Variants in RORA observed in about 807,000 individuals in gnomAD.
RORA encodes RAR related orphan receptor A.
Under a neutral mutation model 69.5 loss-of-function variants are expected in RORA, and 7 were observed. The observed-to-expected ratio is 0.10, with a 90% confidence interval of 0.06 to 0.19. The LOEUF (loss-of-function observed/expected upper bound fraction) is 0.19. RORA is among the 10% of genes least tolerant of loss of function. RORA has a pLI of 1.00. For missense variants in RORA, 457 were observed against 663.0 expected, an observed-to-expected ratio of 0.69 and a Z score of 3.41; for synonymous variants, 261 against 240.8, an observed-to-expected ratio of 1.08 and a Z score of -0.78.
intron 2 of RORA, among the ~76,000 whole-genome samples, chr15:60,610,218 A>ACACACACG (rs957358921): frequency 6.6e-6 from 1 of 151,620 alleles, no homozygotes; most frequent in African/African-American, 2.4e-5. Context: ...ACACACACAC[A>ACACACACG]CACACTACAC....
At chr15:60,654,013 C>T (rs2070185500) in intron 2 of RORA, among the ~76,000 whole-genome samples, 1 of 152,176 alleles carries the variant, frequency 6.6e-6, no homozygotes, top group South Asian at 2.1e-4. Flanking sequence ...CAACACTTTA[C>T]ATGAAGAAGC....
At chr15:60,809,511 G>C (rs1358890478) in intron 1 of RORA, among the ~76,000 whole-genome samples, 1 of 152,068 alleles carries the variant, frequency 6.6e-6, no homozygotes, top group Non-Finnish European at 1.5e-5. Context: ...TCCATATCTC[G>C]AAATAACAGG....
intron 2 of RORA, chr15:60,600,931 T>C (rs931907635): frequency 1.3e-4 from 20 of 152,212 alleles, no homozygotes; most frequent in African/African-American, 4.3e-4. Context: ...ATTTCATTTA[T>C]GGAAAAACAT....
intron 1 of RORA, among the ~76,000 whole-genome samples, chr15:60,834,838 C>T (rs1389310542): frequency 6.6e-6 from 1 of 152,156 alleles, no homozygotes; most frequent in African/African-American, 2.4e-5. Flanking sequence ...CTTGCTTGTT[C>T]CCCTTTTCCC....
rs7162479 is a variant in RORA, at chr15:60,905,765, C to T, written c.167-227079G>A. Among the ~76,000 whole-genome samples, 30 of 152,126 alleles carry T rather than the reference C, an allele frequency of 2.0e-4. No individual in the cohort carries two copies. The highest frequency in any genetic ancestry group is 6.3e-4 in the African/African-American group (26 of 41,430). On this transcript the variant is annotated intron_variant, in intron 1 of 10. Coordinates refer to ENST00000335670, the MANE Select transcript of RORA (RefSeq NM_134261.3). This position sits in a 1 kb window ranked among gnomAD's most constrained non-coding sequence, Gnocchi z 4.8. ...TCACCTGTGCTGAGCAGGTTAGAGCCGGCCTGGTTCTTGGGGCACCCCCTA... is the reference window on the plus strand; with the variant it reads ...TCACCTGTGCTGAGCAGGTTAGAGCTGGCCTGGTTCTTGGGGCACCCCCTA...
At chr15:60,777,354 C>T (rs115011256) in intron 1 of RORA, among the ~76,000 whole-genome samples, 7 of 152,296 alleles carry the variant, frequency 4.6e-5, no homozygotes, top group African/African-American at 1.4e-4. Flanking sequence ...CTAGATATCA[C>T]GAGACCCTGG....
intron 1 of RORA, chr15:60,706,374 C>T (rs112125753): frequency 3.9e-5 from 6 of 152,050 alleles, no homozygotes; most frequent in South Asian, 4.2e-4. Flanking sequence ...TGTCCTTTTA[C>T]GTTTGGTTGC....
chr15:60,910,140 C>T (rs1297118248), intron 1 of RORA, among the ~76,000 whole-genome samples: 1 of 152,196 alleles, frequency 6.6e-6, no homozygotes, highest in African/African-American at 2.4e-5. Flanking sequence ...GAGTCAGATC[C>T]ATGAGGCTAA....
chr15:60,662,745 A>G (rs894806304), intron 2 of RORA, among the ~76,000 whole-genome samples: 3 of 152,194 alleles, frequency 2.0e-5, no homozygotes, highest in African/African-American at 4.8e-5. Context: ...GCAATAAAAT[A>G]TGTGTCATTT....
chr15:60,558,277 A>G, intron 2 of RORA: 1 of 1,612,754 alleles, frequency 6.2e-7, no homozygotes, highest in Middle Eastern at 1.8e-4. Flanking sequence ...ACACTGATGG[A>G]GTATTTGGAG....
chr15:60,889,695 T>C (rs1191173982), intron 1 of RORA, among the ~76,000 whole-genome samples: 1 of 151,966 alleles, frequency 6.6e-6, no homozygotes, highest in Non-Finnish European at 1.5e-5. Context: ...AGATACACAA[T>C]CCCCCAAGTT....
intron 1 of RORA, among the ~76,000 whole-genome samples, chr15:60,729,549 G>A (rs1423526353): frequency 2.6e-5 from 4 of 152,166 alleles, no homozygotes; most frequent in African/African-American, 2.4e-5. Context: ...TCCTGAGTAT[G>A]TAATATGCAA....
intron 2 of RORA, among the ~76,000 whole-genome samples, chr15:60,628,156 C>T (rs142539279): frequency 6.4e-4 from 97 of 152,224 alleles, no homozygotes; most frequent in East Asian, 6.2e-3. Context: ...ACCTGGTGTC[C>T]TCTTCCTGTT....
Position 60,763,065 on chromosome 15 carries a change from ATTTTTTTTTTTTT to A in RORA, c.167-84392_167-84380del, listed in dbSNP as rs374433414. Among the ~76,000 whole-genome samples the A allele has an allele frequency of 7.0e-3, 338 of 48,394 alleles. 5 individuals are homozygous for A. Among genetic ancestry groups the A allele is most frequent in the South Asian group, 0.013 (12 of 912 alleles). The allele number at this position is 48,394 out of a possible 152,430, so 31.7% of individuals were successfully genotyped here. A position where few individuals can be genotyped will look rare whatever the true frequency, so the allele number is the denominator to read the frequency against. Reference sequence around the variant, plus strand: ...AAAGTACTGTTTCCAATATGCACAGATTTTTTTTTTTTTTTTTTTTTTTTTTTTTTTAACCAAC... The same window carrying A: ...AAAGTACTGTTTCCAATATGCACAGATTTTTTTTTTTTTTTTTTAACCAAC... On this transcript the variant is annotated intron_variant, in intron 1 of 10. Transcript: ENST00000335670.
At chr15:60,585,770 T>C (rs151324572) in intron 2 of RORA, among the ~76,000 whole-genome samples, 28 of 152,324 alleles carry the variant, frequency 1.8e-4, no homozygotes, top group African/African-American at 6.7e-4. Context: ...CTTTACTTCC[T>C]GCCAAGCAAA....
intron 1 of RORA, among the ~76,000 whole-genome samples, chr15:61,161,806 C>T (rs1034278908): frequency 3.9e-5 from 6 of 152,086 alleles, no homozygotes; most frequent in African/African-American, 1.2e-4. Flanking sequence ...TATCTTCCCC[C>T]CGTGAAGGCC....
intron 2 of RORA, among the ~76,000 whole-genome samples, chr15:60,632,302 T>A (rs941896089): frequency 1.3e-5 from 2 of 151,886 alleles, no homozygotes; most frequent in Admixed American, 1.3e-4. Context: ...GAGACGGGGG[T>A]TTCACCGTGT....
chr15:60,515,901 TATATATATTG>T (rs1282436394), intron 3 of RORA, among the ~76,000 whole-genome samples: 1 of 109,100 alleles, frequency 9.2e-6, no homozygotes, highest in Non-Finnish European at 1.7e-5. Flanking sequence ...TATATATATT[TATATATATTG>T]TATTTATATA....
chr15:60,602,086 G>A (rs1040754433), intron 2 of RORA, among the ~76,000 whole-genome samples: 1 of 152,112 alleles, frequency 6.6e-6, no homozygotes, highest in African/African-American at 2.4e-5. Flanking sequence ...CATGTTATAT[G>A]GTGAAACTGA....
Sources: gnomAD v4.1 joint callset for allele counts (sites outside exome capture counted in the v4.1 genomes callset) on GRCh38, gnomAD v4.1.1 for gene constraint, Gnocchi (gnomAD v3.1) non-coding constraint, MANE v1.5 for transcripts, NCBI Gene and HGNC (gene_info 2026-07-23, HGNC 2026-07-21) for gene names.